The following GRM1 variants were observed in gnomAD, a reference collection of about 807,000 sequenced individuals.
GRM1 encodes the protein glutamate metabotropic receptor 1.
In GRM1, 33 loss-of-function variants were observed where a neutral mutation model predicts 90.9. The ratio of observed to expected loss-of-function variants is 0.36; its 90% CI spans 0.28 to 0.49. The LOEUF is 0.49. Among genes scored for constraint, GRM1 ranks in the 20% least tolerant of loss-of-function variants. GRM1 has a pLI of 0.99. For synonymous variants in GRM1, 700 were observed against 613.2 expected, an observed-to-expected ratio of 1.14 and a Z score of -2.09; for missense variants, 1,190 against 1,534.3, an observed-to-expected ratio of 0.78 and a Z score of 3.75.
intron 1 of GRM1, among the ~76,000 whole-genome samples, chr6:146,136,372 A>C (rs905102013): frequency 6.6e-6 from 1 of 152,106 alleles, no homozygotes; most frequent in Non-Finnish European, 1.5e-5. Flanking sequence ...CTCCATAGTG[A>C]TTGTACTAAT....
intron 1 of GRM1, among the ~76,000 whole-genome samples, chr6:146,030,944 G>T (rs1038511778): frequency 2.0e-5 from 3 of 151,912 alleles, no homozygotes; most frequent in Non-Finnish European, 2.9e-5. Context: ...TTTGAGTTTT[G>T]GTTTCTAGTC....
intron 3 of GRM1, chr6:146,340,353 TC>T (rs931347185): frequency 5.9e-5 from 9 of 152,240 alleles, no homozygotes; most frequent in African/African-American, 2.2e-4. Context: ...GACTTTCTTG[TC>T]CCTTGTTGAA....
intron 2 of GRM1, among the ~76,000 whole-genome samples, chr6:146,253,380 C>T (rs568762634): frequency 7.4e-4 from 112 of 151,950 alleles, no homozygotes; most frequent in African/African-American, 2.4e-3. Context: ...TGAATATGTG[C>T]GTGTTTTGGG....
chr6:146,341,625 G>C (rs748309425), intron 3 of GRM1, among the ~76,000 whole-genome samples: 3 of 152,176 alleles, frequency 2.0e-5, no homozygotes, highest in Non-Finnish European at 4.4e-5. Flanking sequence ...AATAACACAT[G>C]ACTCTCTAGA....
At chr6:146,182,630 T>A (rs1330778233) in intron 2 of GRM1, among the ~76,000 whole-genome samples, 1 of 152,162 alleles carries the variant, frequency 6.6e-6, no homozygotes, top group Non-Finnish European at 1.5e-5. Context: ...TAGTACATTC[T>A]CACAAAGACT....
chr6:146,105,891 C>A (rs951802840), intron 1 of GRM1, among the ~76,000 whole-genome samples: 10 of 152,160 alleles, frequency 6.6e-5, no homozygotes, highest in African/African-American at 2.2e-4. Flanking sequence ...CCAGGTCACA[C>A]AGTTAGTGGA....
At chr6:146,313,390 G>A (rs767730425) in intron 3 of GRM1, among the ~76,000 whole-genome samples, 3 of 152,160 alleles carry the variant, frequency 2.0e-5, no homozygotes, top group Non-Finnish European at 4.4e-5. Flanking sequence ...CAAGTTTGAA[G>A]TGAGTGTTTT....
intron 2 of GRM1, among the ~76,000 whole-genome samples, chr6:146,174,244 T>C (rs535940091): frequency 3.3e-5 from 5 of 152,320 alleles, no homozygotes; most frequent in South Asian, 2.1e-4. Context: ...CATTTTTTTT[T>C]CCAAAAGGTA....
chr6:146,410,060 CTCA>C (rs1393669778), intron 7 of GRM1, among the ~76,000 whole-genome samples: 2 of 152,116 alleles, frequency 1.3e-5, no homozygotes, highest in Non-Finnish European at 2.9e-5. Flanking sequence ...CTTCATATTT[CTCA>C]TATTATTTGG....
At chr6:146,094,147 G>T (rs750243690) in intron 1 of GRM1, among the ~76,000 whole-genome samples, 1 of 152,034 alleles carries the variant, frequency 6.6e-6, no homozygotes, top group Non-Finnish European at 1.5e-5. Context: ...CAGAAAAGAA[G>T]AATTTGTTAA....
At chr6:146,231,036 A>G (rs560771997) in intron 2 of GRM1, among the ~76,000 whole-genome samples, 71 of 152,260 alleles carry the variant, frequency 4.7e-4, no homozygotes, top group Admixed American at 2.3e-3. Flanking sequence ...AACATGGAGG[A>G]TTCTTAGGGC....
At chr6:146,117,042 A>G (rs746575085) in intron 1 of GRM1, among the ~76,000 whole-genome samples, 3 of 151,298 alleles carry the variant, frequency 2.0e-5, no homozygotes, top group Non-Finnish European at 4.4e-5. Flanking sequence ...AAAGTCTTCT[A>G]TTGGTTTTAT....
At chr6:146,302,330 CTA>C (rs1783418663) in intron 2 of GRM1, among the ~76,000 whole-genome samples, 1 of 148,840 alleles carries the variant, frequency 6.7e-6, no homozygotes, top group Non-Finnish European at 1.5e-5. Context: ...TATCTGCACA[CTA>C]GATTAAGTTA....
At chr6:146,380,958 G>C (rs1373920609) in intron 5 of GRM1, among the ~76,000 whole-genome samples, 1 of 152,148 alleles carries the variant, frequency 6.6e-6, no homozygotes, top group Non-Finnish European at 1.5e-5. Context: ...ACTCTGATGG[G>C]TGCCCTATCC....
At position 146,352,411 on chromosome 6, in the gene GRM1, C is replaced by T; in HGVS notation, c.1348C>T (p.Leu450=). The T allele has an allele frequency of 6.2e-7, 1 of 1,613,982 alleles. No individual in the cohort carries two copies. Among genetic ancestry groups the T allele is most frequent in the Non-Finnish European group, 8.5e-7 (1 of 1,179,818 alleles). ...CATGAAGCCCATCGACGGCAGCAAGCTGCTGGACTTCCTCATCAAGTCCTC... is the reference window on the plus strand; with the variant it reads ...CATGAAGCCCATCGACGGCAGCAAGTTGCTGGACTTCCTCATCAAGTCCTC... ...DAMKPIDGSK[L]LDFLIKSSFI... is the part of the protein sequence containing the mutation. Residue 450 remains leucine (L), a synonymous_variant, in exon 4 of 8, where the codon CTG becomes TTG. Transcript: ENST00000282753.
At chr6:146,354,215 AG>A (rs777397215) in intron 4 of GRM1, among the ~76,000 whole-genome samples, 4 of 152,244 alleles carry the variant, frequency 2.6e-5, no homozygotes, top group Admixed American at 6.5e-5. Context: ...GGAATGATTC[AG>A]GAACTGGGCA....
rs1386161745 is a variant in GRM1 at position 146,029,141 on chromosome 6, T to A, written c.-377T>A. ...CTGTTAACATTATAGACCCCAGAGT[T>A]TTAACACAGGTCCTCTGATGACAAG... On this transcript the variant is annotated 5_prime_UTR_variant, in exon 1 of 8. Coordinates refer to ENST00000282753, the MANE Select transcript of GRM1 (RefSeq NM_001278064.2). The A allele has an allele frequency of 5.8e-6, 2 of 345,400 alleles. No homozygotes were observed. The allele number at this position is 345,400 out of a possible 1,614,324, so 21.4% of individuals were successfully genotyped here.
intron 1 of GRM1, among the ~76,000 whole-genome samples, chr6:146,125,465 C>T (rs372961287): frequency 2.7e-5 from 4 of 150,528 alleles, no homozygotes; most frequent in South Asian, 2.1e-4. Context: ...CTTTCTCTGC[C>T]CCCCCCTCAA....
chr6:146,077,471 C>T (rs2128861502), intron 1 of GRM1, among the ~76,000 whole-genome samples: 1 of 152,270 alleles, frequency 6.6e-6, no homozygotes, highest in South Asian at 2.1e-4. Context: ...ATTCAGCACT[C>T]AGGAGACAGA....
Sources: gnomAD v4.1 joint callset for allele counts (sites outside exome capture counted in the v4.1 genomes callset) on GRCh38, gnomAD v4.1.1 for gene constraint, MANE v1.5 for transcripts, NCBI Gene and HGNC (gene_info 2026-07-23, HGNC 2026-07-21) for gene names.